DYM: variants seen among roughly 807,000 people sequenced by gnomAD.
DYM encodes the protein dyggve-Melchior-Clausen syndrome protein.
DYM carries 78 observed loss-of-function variants against 93.1 expected under a neutral mutation model. The ratio of observed to expected loss-of-function variants is 0.84; its 90% CI spans 0.70 to 1.01. The LOEUF (loss-of-function observed/expected upper bound fraction) is 1.01. DYM is among the 50% of genes least tolerant of loss of function. The pLI, the probability that DYM is intolerant of heterozygous loss-of-function variation, is 0.00. For synonymous variants in DYM, 321 were observed against 319.7 expected, an observed-to-expected ratio of 1.00 and a Z score of -0.04; for missense variants, 789 against 845.0, an observed-to-expected ratio of 0.93 and a Z score of 0.82.
chr18:49,443,364 C>T (rs532142370), intron 1 of DYM, among the ~76,000 whole-genome samples: 2 of 152,230 alleles, frequency 1.3e-5, no homozygotes, highest in East Asian at 3.9e-4. Flanking sequence ...CCTTTATACT[C>T]TCAGTGCACC....
chr18:49,218,953 T>C (rs1164117460), intron 13 of DYM, among the ~76,000 whole-genome samples: 3 of 152,098 alleles, frequency 2.0e-5, no homozygotes, highest in South Asian at 4.2e-4. Context: ...TTCAAAAAAT[T>C]AATGAATTCA....
intron 2 of DYM, among the ~76,000 whole-genome samples, chr18:49,415,184 A>G (rs969601402): frequency 6.6e-6 from 1 of 151,656 alleles, no homozygotes; most frequent in Non-Finnish European, 1.5e-5. Context: ...TTAGCCGAGC[A>G]TGGCACACAC....
rs140133483 is a variant in DYM at position 49,286,509 on chromosome 18, A to C, written c.871T>G (p.Leu291Val). The change falls in exon 9 of 18, where the codon TTG becomes GTG. Residue 291 changes from leucine to valine, a missense_variant. Physicochemically the swap from Leu to Val is conservative, Grantham distance 32. This residue lies in a region of DYM where 450 missense variants were observed against 436.2 expected (regional missense o/e 1.03). Transcript: ENST00000675505. The stretch of plus-strand genomic sequence containing the variant: ...TCTGAGGCATCTGTCAGATTGGCCA[A>C]CACCAGCAGAAGCAGGAGACTCTGG... Reference protein sequence around the residue: ...ANQSLLLLLVLANLTDASDAP... With the variant: ...ANQSLLLLLVVANLTDASDAP... 1 of 1,614,164 alleles carries C rather than the reference A, an allele frequency of 6.2e-7. No individual in the cohort carries two copies. Among genetic ancestry groups the C allele is most frequent in the Non-Finnish European group, 8.5e-7 (1 of 1,180,006 alleles).
intron 1 of DYM, among the ~76,000 whole-genome samples, chr18:49,433,971 A>G (rs2080574930): frequency 6.6e-6 from 1 of 152,206 alleles, no homozygotes; most frequent in Admixed American, 6.5e-5. Context: ...GCACCCTGAG[A>G]GGCCAAGGCG....
At chr18:49,111,727 T>C (rs2081411680) in intron 16 of DYM, among the ~76,000 whole-genome samples, 1 of 152,202 alleles carries the variant, frequency 6.6e-6, no homozygotes. Flanking sequence ...GCAGGGTGTG[T>C]ATCCATGCCC....
intron 2 of DYM, among the ~76,000 whole-genome samples, chr18:49,395,189 TG>T (rs1039940713): frequency 1.3e-5 from 2 of 151,598 alleles, no homozygotes; most frequent in African/African-American, 4.9e-5. Flanking sequence ...AAGAACAAAG[TG>T]AAGAGACAAT....
At chr18:49,342,834 T>G (rs1231029884) in intron 6 of DYM, among the ~76,000 whole-genome samples, 1 of 152,226 alleles carries the variant, frequency 6.6e-6, no homozygotes, top group African/African-American at 2.4e-5. Flanking sequence ...CAGGTTATAC[T>G]ATTCAGGGTA....
chr18:49,348,752 T>C (rs1051802471), intron 6 of DYM, among the ~76,000 whole-genome samples: 8 of 150,994 alleles, frequency 5.3e-5, no homozygotes, highest in African/African-American at 2.0e-4. Flanking sequence ...CTACTAAAAA[T>C]ACAAAAATTA....
At position 49,101,174 on chromosome 18, in the gene DYM, C is replaced by T. The variant is rs369130651; in HGVS notation, c.1912-3659G>A. Among the ~76,000 whole-genome samples the T allele has an allele frequency of 2.6e-5, 4 of 152,266 alleles. No homozygotes were observed. In the South Asian group the frequency reaches 6.2e-4, roughly 24 times the overall value. On this transcript the variant is annotated intron_variant, in intron 16 of 17. Coordinates refer to ENST00000675505, the MANE Select transcript of DYM (RefSeq NM_001353214.3). ...TTAAAATAGATGAACTTTTATTCCT[C>T]TGAAAATCTCTGCATGAGACACAGC...
intron 10 of DYM, among the ~76,000 whole-genome samples, chr18:49,277,328 G>T (rs1002674516): frequency 3.3e-5 from 5 of 152,118 alleles, no homozygotes; most frequent in Non-Finnish European, 5.9e-5. Flanking sequence ...AAACAAAAAG[G>T]ACAGAATCCT....
intron 14 of DYM, among the ~76,000 whole-genome samples, chr18:49,168,198 G>GCTCTCACATGAGTACTCCCT (rs2088160414): frequency 1.3e-5 from 2 of 152,104 alleles, no homozygotes; most frequent in Non-Finnish European, 2.9e-5. Flanking sequence ...AGGGAGTCCA[G>GCTCTCACATGAGTACTCCCT]CTCTCACATG....
chr18:49,279,737 C>T (rs549201), intron 10 of DYM, among the ~76,000 whole-genome samples: 82,471 of 152,004 alleles, frequency 0.54, 23,950 homozygotes, highest in Non-Finnish European at 0.65. Context: ...TGCCTATCCA[C>T]ACCCATCAGG....
intron 17 of DYM, among the ~76,000 whole-genome samples, chr18:49,078,393 A>G (rs1053695339): frequency 6.6e-6 from 1 of 151,128 alleles, no homozygotes; most frequent in Non-Finnish European, 1.5e-5. Flanking sequence ...AAATTAAAAT[A>G]TATATATATA....
At chr18:49,321,402 A>G in intron 8 of DYM, 1 of 398,192 alleles carries the variant, frequency 2.5e-6, no homozygotes, top group Non-Finnish European at 4.4e-6. Flanking sequence ...ATGAGAGTAG[A>G]AGGTGGGCTT....
chr18:49,299,911 C>T (rs1295180095), intron 8 of DYM, among the ~76,000 whole-genome samples: 1 of 151,070 alleles, frequency 6.6e-6, no homozygotes, highest in Non-Finnish European at 1.5e-5. Context: ...GGCGTGGTGG[C>T]AGGCACCTGT....
intron 15 of DYM, among the ~76,000 whole-genome samples, chr18:49,149,095 T>C (rs2085505373): frequency 6.6e-6 from 1 of 152,154 alleles, no homozygotes; most frequent in African/African-American, 2.4e-5. Context: ...TAGATTCTCA[T>C]AAGGCATGTG....
At chr18:49,213,409 G>A (rs551897889) in intron 13 of DYM, among the ~76,000 whole-genome samples, 102 of 151,600 alleles carry the variant, frequency 6.7e-4, no homozygotes, top group African/African-American at 2.4e-3. Context: ...CAATTCTACC[G>A]GGTTCAAGCA....
intron 15 of DYM, among the ~76,000 whole-genome samples, chr18:49,144,037 G>C (rs1433787389): frequency 6.6e-6 from 1 of 152,028 alleles, no homozygotes; most frequent in African/African-American, 2.4e-5. Flanking sequence ...CACATATCCA[G>C]CCAGTGCTCA....
At chr18:49,211,406 C>T (rs968671292) in intron 13 of DYM, among the ~76,000 whole-genome samples, 1 of 152,234 alleles carries the variant, frequency 6.6e-6, no homozygotes, top group African/African-American at 2.4e-5. Context: ...TGAATCAACA[C>T]AATAGTGAAC....
Sources: allele counts gnomAD v4.1 joint callset (sites outside exome capture counted in the v4.1 genomes callset), GRCh38; gene constraint gnomAD v4.1.1; regional missense constraint gnomAD v4.1.1; transcripts MANE v1.5; gene names NCBI Gene and HGNC (gene_info 2026-07-23, HGNC 2026-07-21).